MYO18B: variants seen among roughly 807,000 people sequenced by gnomAD.
The protein encoded by MYO18B is myosin XVIIIB.
A neutral mutation model predicts 273.0 loss-of-function variants in MYO18B; 204 were observed. The observed-to-expected ratio is 0.75, with a 90% CI of 0.67 to 0.84. The LOEUF (loss-of-function observed/expected upper bound fraction) is 0.84. Ranked by LOEUF, MYO18B falls within the 40% of genes least tolerant of loss-of-function variation. The pLI is 0.00. For missense variants in MYO18B, 3,212 were observed against 3,287.6 expected, an observed-to-expected ratio of 0.98 and a Z score of 0.56; for synonymous variants, 1,330 against 1,305.7, an observed-to-expected ratio of 1.02 and a Z score of -0.40.
At chr22:26,061,091 C>T in the MYO18B span, among the ~76,000 whole-genome samples, 14 of 144,330 alleles carry the variant, frequency 9.7e-5, no homozygotes, top group East Asian at 1.8e-3. Context: ...GTTGGCTTGG[C>T]CCCCTGTAGT....
the MYO18B span, among the ~76,000 whole-genome samples, chr22:26,047,387 A>C: frequency 6.6e-6 from 1 of 152,064 alleles, no homozygotes; most frequent in Non-Finnish European, 1.5e-5. Flanking sequence ...TGGCCTCCCA[A>C]AGTGCTGGGA....
At chr22:26,001,543 A>G (rs1354327586) in intron 40 of MYO18B, among the ~76,000 whole-genome samples, 2 of 152,234 alleles carry the variant, frequency 1.3e-5, no homozygotes, top group African/African-American at 4.8e-5. Context: ...ATCCAGGACA[A>G]TAAGTAACTT....
At chr22:25,876,038 G>A (rs979930396) in intron 23 of MYO18B, 151 bp from the exon 24 acceptor site, 9 of 555,672 alleles carry the variant, frequency 1.6e-5, no homozygotes, top group African/African-American at 1.1e-4. Context: ...GTGTGTGTGT[G>A]TGTGTGTATG....
At chr22:26,043,394 G>A in the MYO18B span, among the ~76,000 whole-genome samples, 9 of 151,962 alleles carry the variant, frequency 5.9e-5, no homozygotes, top group South Asian at 1.0e-3. Flanking sequence ...ATGGACATTC[G>A]TTTTTGTTAC....
chr22:25,978,987 G>A (rs2093122456), intron 39 of MYO18B, among the ~76,000 whole-genome samples: 1 of 152,166 alleles, frequency 6.6e-6, no homozygotes, highest in African/African-American at 2.4e-5. Flanking sequence ...AGATGATGAT[G>A]AAGACTAAAT....
At chr22:25,971,208 G>A (rs1327497970) in intron 39 of MYO18B, among the ~76,000 whole-genome samples, 1 of 152,236 alleles carries the variant, frequency 6.6e-6, no homozygotes, top group East Asian at 1.9e-4. Flanking sequence ...AACAGATGGT[G>A]GACTGGATTT....
intron 21 of MYO18B, among the ~76,000 whole-genome samples, chr22:25,861,060 G>GT (rs1290596543): frequency 1.3e-5 from 2 of 151,876 alleles, no homozygotes; most frequent in Admixed American, 1.3e-4. Flanking sequence ...GGCTGATTTT[G>GT]TTTTTTAGAG....
intron 17 of MYO18B, among the ~76,000 whole-genome samples, chr22:25,842,936 CA>C (rs1336876829): frequency 3.3e-5 from 5 of 152,204 alleles, no homozygotes; most frequent in Non-Finnish European, 7.3e-5. Context: ...TAAGTGCAGT[CA>C]AGGGCAGTGA....
chr22:26,041,352 C>CAAAAAAAAAAAA, the MYO18B span, among the ~76,000 whole-genome samples: 5 of 62,184 alleles, frequency 8.0e-5, no homozygotes, highest in African/African-American at 2.4e-4. Context: ...CTGTCTCTAC[C>CAAAAAAAAAAAA]AAAAAAAAAA....
At chr22:25,931,680 TC>T (rs376573522) in intron 34 of MYO18B, among the ~76,000 whole-genome samples, 6 of 146,808 alleles carry the variant, frequency 4.1e-5, no homozygotes, top group East Asian at 1.9e-4. Context: ...TTTTCTTTTT[TC>T]TTTTTTTTTT....
chr22:25,797,933 C>G lies in MYO18B; in HGVS notation c.2377-20C>G. ...CCATCGCGATGGCCTTGTTTTCTTC[C>G]TCTCTCCCTTTGCCCGCAGCCTGAA... is the stretch of plus-strand genomic sequence containing the variant. On this transcript the variant is annotated intron_variant, in intron 11 of 43. Transcript: ENST00000335473. The G allele has an allele frequency of 6.2e-7, 1 of 1,613,980 alleles. No homozygotes were observed. The highest frequency in any genetic ancestry group is 8.5e-7 in the Non-Finnish European group (1 of 1,179,888).
rs1293867013 is a variant in MYO18B at position 25,768,120 on chromosome 22, A to G, written c.204A>G (p.Pro68=). Residue 68 remains proline (P), a synonymous_variant, in exon 4 of 44, where the codon CCA becomes CCG. Transcript: ENST00000335473. ...GGTTGTGTTCTTTCTCCCAGATCCC[A>G]GAAATTTCCATCAGCCAACCCAACA... ...LAVASPEREI[P]EISISQPNSK... is the part of the protein sequence containing the mutation. 3.1e-6 allele frequency: 5 copies of G among 1,593,360 alleles called. No individual in the cohort carries two copies. The highest frequency in any genetic ancestry group is 1.1e-5 in the South Asian group (1 of 87,856).
chr22:25,938,686 A>G (rs543811420), intron 34 of MYO18B, among the ~76,000 whole-genome samples: 1 of 152,358 alleles, frequency 6.6e-6, no homozygotes, highest in African/African-American at 2.4e-5. Context: ...GGAAAGGGAA[A>G]TATTGATCCT....
rs190983229 is a variant in MYO18B at position 26,000,091 on chromosome 22, C to G, written c.6288-3174C>G. On this transcript the variant is annotated intron_variant, in intron 40 of 43. Transcript: ENST00000335473. ...AGGTCATCTGCCCTTTGGGCCCCTG[C>G]CCACTCAGCAGAAAACAATGAATGG... 9.8e-5 allele frequency among the ~76,000 whole-genome samples: 15 copies of G among 152,346 alleles called. No individual in the cohort carries two copies. The East Asian group carries it at 2.9e-3, about 29-fold the overall frequency.
chr22:25,852,084 G>C (rs754170962), intron 21 of MYO18B, among the ~76,000 whole-genome samples: 9 of 152,142 alleles, frequency 5.9e-5, no homozygotes, highest in Non-Finnish European at 1.3e-4. Context: ...CAGCACCCTG[G>C]GGTGGTCTAT....
At chr22:26,063,561 G>T in the MYO18B span, among the ~76,000 whole-genome samples, 1 of 152,148 alleles carries the variant, frequency 6.6e-6, no homozygotes, top group Non-Finnish European at 1.5e-5. Flanking sequence ...CTCAGGTCCA[G>T]GTCTCTTTGC....
At position 26,009,405 on chromosome 22, in the gene MYO18B, A is replaced by C. The variant is rs144441466; in HGVS notation, c.6470+4550A>C. Among the ~76,000 whole-genome samples, 4 of 152,048 alleles carry C rather than the reference A, an allele frequency of 2.6e-5. No homozygotes were observed. The East Asian group carries it at 7.7e-4, about 29-fold the overall frequency. ...AACAGCTGAGGTCCTCCCCATCCTA[A>C]CCATGTCCTCATCCATCACCTTGCT... is the stretch of plus-strand genomic sequence containing the variant. On this transcript the variant is annotated intron_variant, in intron 42 of 43. Transcript: ENST00000335473.
chr22:25,918,725 C>A (rs546258588), intron 33 of MYO18B, among the ~76,000 whole-genome samples: 1 of 152,258 alleles, frequency 6.6e-6, no homozygotes, highest in East Asian at 1.9e-4. Context: ...TGCTAACTCG[C>A]CCCACAGGAG....
At chr22:25,912,814 G>A (rs1033888756) in intron 33 of MYO18B, among the ~76,000 whole-genome samples, 3 of 152,126 alleles carry the variant, frequency 2.0e-5, no homozygotes, top group African/African-American at 7.2e-5. Context: ...CATTCCCCGG[G>A]GTTTGAGGTG....
Sources: allele counts gnomAD v4.1 joint callset (sites outside exome capture counted in the v4.1 genomes callset), GRCh38; gene constraint gnomAD v4.1.1; transcripts MANE v1.5; gene names NCBI Gene and HGNC (gene_info 2026-07-23, HGNC 2026-07-21).